KLHL5: variants seen among roughly 807,000 people sequenced by gnomAD.
KLHL5 encodes kelch-like protein 5.
KLHL5 carries 48 observed loss-of-function variants against 77.7 expected under a neutral mutation model. The observed-to-expected ratio is 0.62, with a 90% CI of 0.49 to 0.79. The LOEUF is 0.79. Ranked by LOEUF, KLHL5 falls within the 30% of genes least tolerant of loss-of-function variation. The probability of loss-of-function intolerance (pLI) is 0.00; values close to 1 mark genes in which losing one functional copy is unlikely to be tolerated. For missense variants in KLHL5, 723 were observed against 859.7 expected (o/e 0.84, Z 1.99); for synonymous variants, 260 against 297.0 (o/e 0.88, Z 1.28).
At chr4:39,045,499 T>C (rs937148451) in intron 1 of KLHL5, among the ~76,000 whole-genome samples, 9 of 152,046 alleles carry the variant, frequency 5.9e-5, no homozygotes, top group African/African-American at 1.4e-4. Context: ...ATTTTTTTTT[T>C]CCTCTCCTTA....
At chr4:39,071,392 T>A (rs1033795789) in intron 1 of KLHL5, among the ~76,000 whole-genome samples, 4 of 152,300 alleles carry the variant, frequency 2.6e-5, no homozygotes, top group Admixed American at 1.3e-4. Context: ...TAAATTAATT[T>A]GTAAAACTTC....
At chr4:39,120,823 A>C (rs1217307148) in intron 10 of KLHL5, among the ~76,000 whole-genome samples, 187 bp from the exon 11 acceptor site, 2 of 152,264 alleles carry the variant, frequency 1.3e-5, no homozygotes, top group Admixed American at 6.5e-5. Context: ...AACTTAGTCT[A>C]TGAAACTTTG....
rs2712014 is a variant in KLHL5 at position 39,122,828 on chromosome 4, A to T, written c.*1762A>T. On this transcript the variant is annotated 3_prime_UTR_variant, in exon 11 of 11. Transcript: ENST00000504108. ...ACTCCATCAAAAAAAAATAAATAAA[A>T]AAAAAATAAAAGATTTCATTTTATG... 0.79 allele frequency among the ~76,000 whole-genome samples: 120,389 copies of T among 151,510 alleles called. 47,969 individuals carry two copies. The highest frequency in any genetic ancestry group is 0.86 in the African/African-American group (35,425 of 41,330).
At position 39,082,033 on chromosome 4, in the gene KLHL5, G is replaced by A. The variant is rs1326289223; in HGVS notation, c.774G>A (p.Gln258=). ...LSTACLLQLS[Q]VVEACCKFLM... Reference sequence around the variant, plus strand: ...CAGCTTGCCTTCTTCAGCTTTCACAGGTTGTAGAAGCATGCTGTAAGTTTT... The same window carrying A: ...CAGCTTGCCTTCTTCAGCTTTCACAAGTTGTAGAAGCATGCTGTAAGTTTT... The change falls in exon 4 of 11, where the codon CAG becomes CAA. Residue 258 remains glutamine, a synonymous_variant. Transcript: ENST00000504108. The A allele has an allele frequency of 3.1e-6, 5 of 1,613,664 alleles. No homozygotes were observed. In the African/African-American group the frequency reaches 4.0e-5, roughly 13 times the overall value.
chr4:39,131,339 T>C (rs1457977422), downstream of KLHL5, among the ~76,000 whole-genome samples: 2 of 152,204 alleles, frequency 1.3e-5, no homozygotes, highest in Admixed American at 6.5e-5. Context: ...CTGACAAATA[T>C]CATATTTTTG....
chr4:39,051,381 A>C (rs1360230305), intron 1 of KLHL5, among the ~76,000 whole-genome samples: 1 of 152,180 alleles, frequency 6.6e-6, no homozygotes, highest in African/African-American at 2.4e-5. Flanking sequence ...AAAAAAAAAA[A>C]AAACAAGAAT....
At chr4:39,117,961 T>C (rs936647112) in intron 10 of KLHL5, among the ~76,000 whole-genome samples, 13 of 151,252 alleles carry the variant, frequency 8.6e-5, no homozygotes, top group African/African-American at 2.9e-4. Flanking sequence ...GGCACAAGGC[T>C]GAGGCAAAAG....
chr4:39,048,096 A>G (rs1026639452), intron 1 of KLHL5, among the ~76,000 whole-genome samples: 9 of 152,244 alleles, frequency 5.9e-5, no homozygotes, highest in Non-Finnish European at 1.2e-4. Flanking sequence ...TGTATCAAGA[A>G]TCCTTCACTG....
chr4:39,117,572 A>G (rs186813310), intron 10 of KLHL5, among the ~76,000 whole-genome samples: 89 of 152,268 alleles, frequency 5.8e-4, no homozygotes, highest in Non-Finnish European at 9.4e-4. Context: ...ATATACACAC[A>G]CTTACTGGGT....
chr4:39,091,854 T>TG (rs1176705809), intron 5 of KLHL5, among the ~76,000 whole-genome samples: 44 of 142,206 alleles, frequency 3.1e-4, no homozygotes, highest in African/African-American at 1.0e-3. Flanking sequence ...TTTTTTTTTT[T>TG]TTTTTTTTTT....
intron 1 of KLHL5, among the ~76,000 whole-genome samples, chr4:39,063,283 C>T (rs1424315106): frequency 1.3e-5 from 2 of 151,786 alleles, no homozygotes; most frequent in Non-Finnish European, 2.9e-5. Context: ...ATAGATCTGG[C>T]TCAGCTTTGA....
the KLHL5 span, among the ~76,000 whole-genome samples, chr4:39,137,682 G>A: frequency 1.3e-5 from 2 of 152,094 alleles, no homozygotes; most frequent in East Asian, 1.9e-4. Flanking sequence ...CAGAGCTGGG[G>A]CATGGAAAAT....
chr4:39,107,055 T>TTTTTC (rs66511210), intron 7 of KLHL5, among the ~76,000 whole-genome samples: 74,100 of 145,078 alleles, frequency 0.51, 19,295 homozygotes, highest in Middle Eastern at 0.59. Context: ...TTTTTCTTTT[T>TTTTTC]TTTTTTTTTT....
intron 1 of KLHL5, among the ~76,000 whole-genome samples, chr4:39,055,473 A>G (rs1716946103): frequency 6.6e-6 from 1 of 152,264 alleles, no homozygotes; most frequent in African/African-American, 2.4e-5. Flanking sequence ...GGTACAGCTT[A>G]TGCAAGACAA....
upstream of KLHL5, among the ~76,000 whole-genome samples, chr4:39,060,180 A>G (rs1374447507): frequency 6.6e-6 from 1 of 152,186 alleles, no homozygotes; most frequent in Non-Finnish European, 1.5e-5. Flanking sequence ...ATGCTAAAAG[A>G]TGAATACAAT....
chr4:39,107,377 C>T (rs549599346), intron 7 of KLHL5, among the ~76,000 whole-genome samples, 192 bp from the exon 8 acceptor site: 50 of 152,034 alleles, frequency 3.3e-4, no homozygotes, highest in Non-Finnish European at 5.6e-4. Flanking sequence ...CCAGAACTAC[C>T]GTGCTATTTC....
At chr4:39,129,391 G>C (rs1436822894), downstream of KLHL5, among the ~76,000 whole-genome samples, 1 of 152,054 alleles carries the variant, frequency 6.6e-6, no homozygotes, top group Admixed American at 6.5e-5. The surrounding 1 kb of genome is among the most constrained non-coding windows in gnomAD (Gnocchi z 4.2). Context: ...TGTATTTTCA[G>C]TAGAGACAGG....
Position 39,121,175 on chromosome 4 carries a change from G to A in KLHL5, c.*109G>A. The stretch of plus-strand genomic sequence containing the variant: ...TAAATGTGCATTGTCACAATCCTGG[G>A]CACAAAGTGCCTGATGTCAAAATGA... On this transcript the variant is annotated 3_prime_UTR_variant, in exon 11 of 11. Coordinates refer to ENST00000504108, the MANE Select transcript of KLHL5 (RefSeq NM_015990.5). 1.2e-6 allele frequency: 1 copy of A among 842,622 alleles called. No homozygotes were observed. Among genetic ancestry groups the A allele is most frequent in the South Asian group, 1.5e-5 (1 of 67,734 alleles). 52.2% of individuals were successfully genotyped at this position (842,622 alleles called of 1,614,324 possible).
At position 39,123,546 on chromosome 4, in the gene KLHL5, G is replaced by T. The variant is rs192639742; in HGVS notation, c.*2480G>T. 4.2e-4 allele frequency among the ~76,000 whole-genome samples: 64 copies of T among 152,296 alleles called. 1 individual carries two copies. Among genetic ancestry groups the T allele is most frequent in the African/African-American group, 1.4e-3 (60 of 41,550 alleles). The stretch of plus-strand genomic sequence containing the variant: ...GATTTATCAAAGAAATGCAGGGATG[G>T]TTCTACATACAAATGTCAATCGATG... On this transcript the variant is annotated 3_prime_UTR_variant, in exon 11 of 11. Transcript: ENST00000504108.
Sources: gnomAD v4.1 joint callset for allele counts (sites outside exome capture counted in the v4.1 genomes callset) on GRCh38, gnomAD v4.1.1 for gene constraint, Gnocchi (gnomAD v3.1) non-coding constraint, MANE v1.5 for transcripts, NCBI Gene and HGNC (gene_info 2026-07-23, HGNC 2026-07-21) for gene names.